Variants in TTC28 observed in about 807,000 individuals in gnomAD.
The protein encoded by TTC28 is tetratricopeptide repeat domain 28.
In TTC28, 61 loss-of-function variants were observed where a neutral mutation model predicts 198.0. That is an observed-to-expected ratio of 0.31 (90% CI 0.25 to 0.38). TTC28 has a LOEUF of 0.38. Among genes scored for constraint, TTC28 ranks in the 10% least tolerant of loss-of-function variants. The pLI is 1.00. For synonymous variants in TTC28, 1,171 were observed against 1,297.8 expected (o/e 0.90, Z 2.10); for missense variants, 2,678 against 3,164.0 (o/e 0.85, Z 3.69).
intron 2 of TTC28, among the ~76,000 whole-genome samples, chr22:28,591,080 T>TAG (rs2050427833): frequency 1.7e-5 from 2 of 118,014 alleles, no homozygotes; most frequent in Admixed American, 1.8e-4. Context: ...TATATATATA[T>TAG]ATATAGGAAT....
chr22:28,243,203 A>C (rs1413553996), intron 5 of TTC28, among the ~76,000 whole-genome samples: 11 of 105,504 alleles, frequency 1.0e-4, no homozygotes, highest in Non-Finnish European at 2.3e-4. Flanking sequence ...AAAAAAAAAA[A>C]AAAAAAAAAA....
intron 1 of TTC28, among the ~76,000 whole-genome samples, chr22:28,632,172 A>G (rs1451778869): frequency 2.0e-5 from 3 of 148,160 alleles, no homozygotes; most frequent in African/African-American, 7.5e-5. Context: ...TCACACGGAT[A>G]TTATATCCTG....
intron 5 of TTC28, among the ~76,000 whole-genome samples, chr22:28,265,576 C>T (rs1931630624): frequency 6.6e-6 from 1 of 152,144 alleles, no homozygotes. Flanking sequence ...GTTACTATGT[C>T]AGTGTTGCCA....
intron 12 of TTC28, among the ~76,000 whole-genome samples, chr22:28,071,564 A>AC (rs1940968255): frequency 1.4e-5 from 2 of 142,588 alleles, no homozygotes; most frequent in African/African-American, 5.2e-5. Context: ...GGGGAATATC[A>AC]CACTCTGGGG....
intron 2 of TTC28, among the ~76,000 whole-genome samples, chr22:28,511,354 CACACCTACAACCATCTG>C (rs1189274247): frequency 3.9e-5 from 6 of 152,132 alleles, no homozygotes; most frequent in African/African-American, 1.4e-4. Flanking sequence ...AATAAGCCTG[CACACCTACAACCATCTG>C]ATCTTTTACA....
chr22:28,148,700 A>G (rs1943536747), intron 6 of TTC28, among the ~76,000 whole-genome samples: 1 of 152,068 alleles, frequency 6.6e-6, no homozygotes, highest in South Asian at 2.1e-4. Context: ...TTTCTAGAGT[A>G]TTAAAGAATT....
intron 1 of TTC28, among the ~76,000 whole-genome samples, chr22:28,651,419 A>C (rs1438020379): frequency 6.6e-6 from 1 of 151,792 alleles, no homozygotes; most frequent in Non-Finnish European, 1.5e-5. Context: ...TTCCCACCTC[A>C]GTCTCCCAAG....
At chr22:28,599,709 A>G (rs1270132548) in intron 2 of TTC28, among the ~76,000 whole-genome samples, 1 of 152,168 alleles carries the variant, frequency 6.6e-6, no homozygotes, top group African/African-American at 2.4e-5. Context: ...CAATTAGAAG[A>G]AGGCTCTAGA....
rs11362041 is a variant in TTC28 at position 28,043,242 on chromosome 22, C to CAAA, written c.3933-12879_3933-12877dup. 5.6e-4 allele frequency among the ~76,000 whole-genome samples: 37 copies of CAAA among 65,568 alleles called. 4 individuals carry two copies. Among genetic ancestry groups the CAAA allele is most frequent in the Admixed American group, 6.1e-4 (3 of 4,886 alleles). The allele number at this position is 65,568 out of a possible 152,430, so 43.0% of individuals were successfully genotyped here. ...TGCATAACAGAGTAAGACTCCATCT[C>CAAA]AAAAAAAAAAAAAAAAAAAAAAAAA... On this transcript the variant is annotated intron_variant, in intron 12 of 22. Coordinates refer to ENST00000397906, the MANE Select transcript of TTC28 (RefSeq NM_001145418.2).
intron 2 of TTC28, among the ~76,000 whole-genome samples, chr22:28,613,270 A>G (rs1036172575): frequency 2.6e-5 from 4 of 152,234 alleles, no homozygotes; most frequent in African/African-American, 9.6e-5. Context: ...ATCCCTGAAT[A>G]GACCAATAAC....
At chr22:28,532,374 G>A (rs1165125324) in intron 2 of TTC28, among the ~76,000 whole-genome samples, 1 of 152,132 alleles carries the variant, frequency 6.6e-6, no homozygotes, top group Non-Finnish European at 1.5e-5. Context: ...GTGAATCCCT[G>A]AATACACCAA....
rs1050061875 is a variant in TTC28, at chr22:28,005,867, C to T, written c.4219-4314G>A. On this transcript the variant is annotated intron_variant, in intron 14 of 22. Coordinates refer to ENST00000397906, the MANE Select transcript of TTC28 (RefSeq NM_001145418.2). This position sits in a 1 kb window ranked among gnomAD's most constrained non-coding sequence, Gnocchi z 4.9. ...TGTCCTGTGGGCTGAATCACACCTCCTCCCATGTTCATTCTTTACTAGGTA... is the reference window on the plus strand; with the variant it reads ...TGTCCTGTGGGCTGAATCACACCTCTTCCCATGTTCATTCTTTACTAGGTA... Among the ~76,000 whole-genome samples, 3 of 152,246 alleles carry T rather than the reference C, an allele frequency of 2.0e-5. No individual in the cohort carries two copies. Among genetic ancestry groups the T allele is most frequent in the Non-Finnish European group, 4.4e-5 (3 of 68,038 alleles).
intron 12 of TTC28, among the ~76,000 whole-genome samples, chr22:28,078,003 A>G (rs1214540230): frequency 6.6e-6 from 1 of 152,228 alleles, no homozygotes; most frequent in African/African-American, 2.4e-5. Context: ...TAAAAACTGA[A>G]GATGTGTTTT....
chr22:27,989,108 CTT>C (rs371514824), intron 21 of TTC28, among the ~76,000 whole-genome samples: 6 of 152,312 alleles, frequency 3.9e-5, no homozygotes, highest in African/African-American at 1.2e-4. Flanking sequence ...CTCACAGCCT[CTT>C]GTGTTCTATC....
At chr22:28,513,626 TA>T (rs1403505501) in intron 2 of TTC28, among the ~76,000 whole-genome samples, 1 of 152,132 alleles carries the variant, frequency 6.6e-6, no homozygotes, top group Non-Finnish European at 1.5e-5. Flanking sequence ...TTTGTTTAAT[TA>T]AAAAATTCAT....
rs556338156 is a variant in TTC28, at chr22:28,431,049, A to G, written c.382-124406T>C. ...CTTGGTCCACTCATTCCTACCCCCA[A>G]TTCCAAATACTTCTTCATCTCCCAT... On this transcript the variant is annotated intron_variant, in intron 2 of 22. Coordinates refer to ENST00000397906, the MANE Select transcript of TTC28 (RefSeq NM_001145418.2). Among the ~76,000 whole-genome samples the G allele has an allele frequency of 6.6e-5, 10 of 152,116 alleles. 1 individual carries two copies. The South Asian group carries it at 2.1e-3, about 32-fold the overall frequency.
chr22:28,238,360 T>C (rs936675157), intron 5 of TTC28, among the ~76,000 whole-genome samples: 1 of 152,188 alleles, frequency 6.6e-6, no homozygotes, highest in Non-Finnish European at 1.5e-5. Context: ...AATCTCTTTT[T>C]AAGCCCATCC....
intron 2 of TTC28, among the ~76,000 whole-genome samples, chr22:28,353,913 C>A (rs1189241801): frequency 6.6e-6 from 1 of 152,100 alleles, no homozygotes; most frequent in Non-Finnish European, 1.5e-5. Flanking sequence ...AAATGACTAA[C>A]AAGCAAATGA....
In TTC28 at chr22:28,061,483, C is replaced by T. The variant is rs556019646; in HGVS notation, c.3933-31117G>A. Among the ~76,000 whole-genome samples the T allele has an allele frequency of 1.1e-4, 16 of 152,264 alleles. No individual in the cohort carries two copies. The South Asian group carries it at 3.3e-3, about 32-fold the overall frequency. On this transcript the variant is annotated intron_variant, in intron 12 of 22. Transcript: ENST00000397906. Reference sequence around the variant, plus strand: ...CATTTATTAAATAGGGAATCCTTTCCCCATTGCTTGTTTTTCTCAGGTTTG... The same window carrying T: ...CATTTATTAAATAGGGAATCCTTTCTCCATTGCTTGTTTTTCTCAGGTTTG...
Sources: gnomAD v4.1 joint callset for allele counts (sites outside exome capture counted in the v4.1 genomes callset) on GRCh38, gnomAD v4.1.1 for gene constraint, Gnocchi (gnomAD v3.1) non-coding constraint, MANE v1.5 for transcripts, NCBI Gene and HGNC (gene_info 2026-07-23, HGNC 2026-07-21) for gene names.